Variants in CNTNAP4 observed in about 807,000 individuals in gnomAD.
The protein encoded by CNTNAP4 is contactin-associated protein-like 4.
In CNTNAP4, 98 loss-of-function variants were observed where a neutral mutation model predicts 148.4. The ratio of observed to expected loss-of-function variants is 0.66; its 90% CI spans 0.56 to 0.78. The LOEUF is 0.78. Ranked by LOEUF, CNTNAP4 falls within the 30% of genes least tolerant of loss-of-function variation. CNTNAP4 has a pLI of 0.00. For synonymous variants in CNTNAP4, 730 were observed against 565.1 expected (o/e 1.29, Z -4.14); for missense variants, 1,935 against 1,565.6 (o/e 1.24, Z -3.98).
At chr16:76,434,270 A>C (rs1450096587) in intron 4 of CNTNAP4, among the ~76,000 whole-genome samples, 1 of 152,158 alleles carries the variant, frequency 6.6e-6, no homozygotes, top group East Asian at 1.9e-4. Context: ...TTATGACACA[A>C]AGCCACAAAG....
intron 9 of CNTNAP4, 71 bp downstream of exon 9, chr16:76,462,176 GTCA>G: frequency 7.4e-7 from 1 of 1,342,960 alleles, no homozygotes; most frequent in Non-Finnish European, 1.0e-6. Context: ...TCTTGGCGAA[GTCA>G]TCATGTTTTA....
Position 76,427,598 on chromosome 16 carries a change from CAGTA to C in CNTNAP4, c.538+3_538+6del, listed in dbSNP as rs2145048709. ...GAATCGAAGTGTTCGGATGTGCATA[CAGTA>C]AGTGTTTGTTTATCCAATACACTGA... is the stretch of plus-strand genomic sequence containing the variant. On this transcript the variant is annotated splice_donor_variant and splice_donor_region_variant and coding_sequence_variant and intron_variant, in exon 4 of 24. Transcript: ENST00000611870. LOFTEE classifies it high-confidence loss of function. 1.2e-6 allele frequency: 2 copies of C among 1,603,398 alleles called. No homozygotes were observed. Among genetic ancestry groups the C allele is most frequent in the South Asian group, 1.1e-5 (1 of 88,960 alleles).
intron 17 of CNTNAP4, among the ~76,000 whole-genome samples, chr16:76,530,836 T>G (rs1336276005): frequency 1.3e-5 from 2 of 152,212 alleles, no homozygotes; most frequent in South Asian, 4.1e-4. Flanking sequence ...CCTTCTATGT[T>G]AACCAACAGC....
intron 4 of CNTNAP4, among the ~76,000 whole-genome samples, chr16:76,442,652 A>C (rs911144128): frequency 6.6e-6 from 1 of 151,968 alleles, no homozygotes. Context: ...ATAGCAACAC[A>C]CTCTTGCAAG....
chr16:76,449,660 G>A (rs2080379976), intron 6 of CNTNAP4, 55 bp from the exon 7 acceptor site: 1 of 1,436,816 alleles, frequency 7.0e-7, no homozygotes, highest in African/African-American at 1.4e-5. Flanking sequence ...TCATAATTAA[G>A]CAGATTTTTA....
At position 76,489,670 on chromosome 16, in the gene CNTNAP4, C is replaced by T. The variant is rs770034946; in HGVS notation, c.1883-16C>T. On this transcript the variant is annotated splice_polypyrimidine_tract_variant and intron_variant, in intron 12 of 23. Transcript: ENST00000611870. ...TGATGGTCTCCTCTCTTTCTCCCCCCATTTCTGCATACAAGAAACTGCATG... is the reference window on the plus strand; with the variant it reads ...TGATGGTCTCCTCTCTTTCTCCCCCTATTTCTGCATACAAGAAACTGCATG... The T allele has an allele frequency of 2.2e-5, 32 of 1,450,806 alleles. No individual in the cohort carries two copies. Among genetic ancestry groups the T allele is most frequent in the Admixed American group, 8.2e-5 (4 of 48,816 alleles). 89.9% of individuals were successfully genotyped at this position (1,450,806 alleles called of 1,614,324 possible).
At chr16:76,533,570 C>T (rs555026905) in intron 17 of CNTNAP4, among the ~76,000 whole-genome samples, 1 of 152,134 alleles carries the variant, frequency 6.6e-6, no homozygotes, top group African/African-American at 2.4e-5. Context: ...TATATCACAA[C>T]ATTATGTACC....
intron 15 of CNTNAP4, among the ~76,000 whole-genome samples, chr16:76,512,418 G>T (rs4456531): frequency 0.63 from 96,070 of 151,926 alleles, 30,893 homozygotes; most frequent in East Asian, 0.78. Context: ...GGGTAGAGTT[G>T]AAAGGAAAAC....
intron 2 of CNTNAP4, among the ~76,000 whole-genome samples, chr16:76,325,356 A>G (rs558055845): frequency 2.6e-5 from 4 of 152,320 alleles, no homozygotes; most frequent in East Asian, 3.9e-4. Context: ...CAACTGCAGA[A>G]TACACATTCT....
Position 76,449,792 on chromosome 16 carries a change from T to G in CNTNAP4, c.1005T>G (p.Asn335Lys). Residue 335 changes from asparagine to lysine, a missense_variant, in exon 7 of 24, where the codon AAT (asparagine) becomes AAG (lysine). Physicochemically the swap from Asn to Lys is moderately conservative, Grantham distance 94 (BLOSUM62 0). Coordinates refer to ENST00000611870, the MANE Select transcript of CNTNAP4 (RefSeq NM_033401.5). ...GAAATTTTCATGGATGTTTAGAAAA[T>G]CTCTATTATAATGGAGTGGATATCA... Reference protein sequence around the residue: ...PHRNFHGCLENLYYNGVDIID... With the variant: ...PHRNFHGCLEKLYYNGVDIID... 2 of 1,601,546 alleles carry G rather than the reference T, an allele frequency of 1.2e-6. No homozygotes were observed. Among genetic ancestry groups the G allele is most frequent in the Non-Finnish European group, 1.7e-6 (2 of 1,173,564 alleles).
chr16:76,430,146 G>A (rs574531366), intron 4 of CNTNAP4, among the ~76,000 whole-genome samples: 3 of 152,218 alleles, frequency 2.0e-5, no homozygotes, highest in Admixed American at 2.0e-4. Flanking sequence ...CATTGGCATT[G>A]CAATATATTT....
At chr16:76,468,736 G>A (rs1464610600) in intron 10 of CNTNAP4, among the ~76,000 whole-genome samples, 1 of 151,968 alleles carries the variant, frequency 6.6e-6, no homozygotes, top group Non-Finnish European at 1.5e-5. Context: ...TGGAATTACA[G>A]GCATGAGTCA....
intron 5 of CNTNAP4, among the ~76,000 whole-genome samples, 199 bp downstream of exon 5, chr16:76,448,414 A>T (rs549701394): frequency 1.1e-4 from 17 of 151,872 alleles, no homozygotes; most frequent in Middle Eastern, 3.4e-3. Context: ...GTGTTTTTTT[A>T]CATAGTGCTG....
intron 3 of CNTNAP4, among the ~76,000 whole-genome samples, chr16:76,360,912 G>A (rs2013347871): frequency 1.3e-5 from 2 of 150,860 alleles, no homozygotes; most frequent in Admixed American, 6.6e-5. Context: ...CACCTCCTGG[G>A]TTCACACCAT....
rs2085320835 is a variant in CNTNAP4, at chr16:76,559,175, A to G, written c.*492A>G. ...TGCATCTTCAGTGGCCACAAGCATA[A>G]TAAAGCCCCTTTGCCTTTCTCTGTA... On this transcript the variant is annotated 3_prime_UTR_variant, in exon 24 of 24. Coordinates refer to ENST00000611870, the MANE Select transcript of CNTNAP4 (RefSeq NM_033401.5). 6.6e-6 allele frequency: 1 copy of G among 152,350 alleles called. No individual in the cohort carries two copies. Among genetic ancestry groups the G allele is most frequent in the Non-Finnish European group, 1.5e-5 (1 of 68,170 alleles). 9.4% of individuals were successfully genotyped at this position (152,350 alleles called of 1,614,324 possible). A position where few individuals can be genotyped will look rare whatever the true frequency, so the allele number is the denominator to read the frequency against.
chr16:76,514,643 T>A (rs374560941), intron 15 of CNTNAP4, among the ~76,000 whole-genome samples: 2 of 152,096 alleles, frequency 1.3e-5, no homozygotes, highest in Non-Finnish European at 2.9e-5. Context: ...TATATTGCTC[T>A]GCAAACCACA....
At chr16:76,469,476 T>C (rs927489149) in intron 10 of CNTNAP4, 7 of 152,124 alleles carry the variant, frequency 4.6e-5, no homozygotes, top group African/African-American at 1.7e-4. Context: ...GGAGCAGCCA[T>C]CAGGGAAACT....
At position 76,538,325 on chromosome 16, in the gene CNTNAP4, A is replaced by G; in HGVS notation, c.3205A>G (p.Ile1069Val). 2.5e-6 allele frequency: 4 copies of G among 1,602,676 alleles called. No individual in the cohort carries two copies. Among genetic ancestry groups the G allele is most frequent in the Non-Finnish European group, 3.4e-6 (4 of 1,175,774 alleles). ...CTTTTACAAAGAATACCTTTCTGTG[A>G]TCATTGCCAAAAATGGTGAGTTCTT... ...SSFYKEYLSVIIAKNGSLQIR... is the reference protein window; with the variant it reads ...SSFYKEYLSVVIAKNGSLQIR... The change falls in exon 19 of 24, where the codon ATC (isoleucine) becomes GTC (valine). Residue 1069 changes from isoleucine to valine, a missense_variant. Ile to Val is a conservative substitution (Grantham distance 29). Transcript: ENST00000611870.
intron 3 of CNTNAP4, among the ~76,000 whole-genome samples, chr16:76,377,129 T>C (rs1047089446): frequency 9.2e-5 from 14 of 152,112 alleles, no homozygotes; most frequent in African/African-American, 3.4e-4. Flanking sequence ...CAGAATTCCC[T>C]CTTATTCCAG....
Sources: gnomAD v4.1 joint callset for allele counts (sites outside exome capture counted in the v4.1 genomes callset) on GRCh38, gnomAD v4.1.1 for gene constraint, MANE v1.5 for transcripts, NCBI Gene and HGNC (gene_info 2026-07-23, HGNC 2026-07-21) for gene names.